CRISPLD1: variants seen among roughly 807,000 people sequenced by gnomAD.
CRISPLD1 encodes cysteine rich secretory protein LCCL domain containing 1, also known as cysteine-rich secretory protein LCCL domain-containing 1.
In CRISPLD1, 60 loss-of-function variants were observed where a neutral mutation model predicts 77.5. That is an observed-to-expected ratio of 0.77 (90% CI 0.63 to 0.96). The LOEUF is 0.96. CRISPLD1 is among the 40% of genes least tolerant of loss of function. The probability of loss-of-function intolerance (pLI) is 0.00; values close to 1 mark genes in which losing one functional copy is unlikely to be tolerated. For synonymous variants in CRISPLD1, 195 were observed against 200.1 expected (o/e 0.97, Z 0.22); for missense variants, 623 against 615.8 (o/e 1.01, Z -0.12).
chr8:75,005,127 GCTT>G (rs1812806678), intron 2 of CRISPLD1, among the ~76,000 whole-genome samples: 3 of 152,056 alleles, frequency 2.0e-5, no homozygotes. Flanking sequence ...AACAGCTTTT[GCTT>G]CTTAGGTAAT....
chr8:75,018,514 C>T (rs944585338), intron 10 of CRISPLD1, among the ~76,000 whole-genome samples: 6 of 151,954 alleles, frequency 3.9e-5, no homozygotes. Context: ...TGGTCTTGAA[C>T]TCCTGACCTC....
At chr8:75,029,240 A>C in intron 13 of CRISPLD1, 147 bp from the exon 14 acceptor site, 1 of 808,070 alleles carries the variant, frequency 1.2e-6, no homozygotes, top group Non-Finnish European at 1.9e-6. Context: ...ACACTCTTTT[A>C]TGCACAAAAC....
chr8:74,994,733 C>A lies in CRISPLD1; in HGVS notation c.258+8488C>A, dbSNP rs150296961. The stretch of plus-strand genomic sequence containing the variant: ...AACAGGAAACTGTCCAGTTTCTGCC[C>A]AGCAATCATTATTAATTGCACTATC... On this transcript the variant is annotated intron_variant, in intron 2 of 14. Transcript: ENST00000262207. 8.5e-5 allele frequency among the ~76,000 whole-genome samples: 13 copies of A among 152,248 alleles called. No individual in the cohort carries two copies. In the East Asian group the frequency reaches 2.5e-3, roughly 29 times the overall value.
chr8:75,018,583 A>G (rs1813078163), intron 10 of CRISPLD1, among the ~76,000 whole-genome samples: 2 of 152,030 alleles, frequency 1.3e-5, no homozygotes, highest in South Asian at 4.2e-4. Context: ...GAGCCACCAC[A>G]TCTGGCTTAT....
intron 2 of CRISPLD1, among the ~76,000 whole-genome samples, chr8:74,995,504 G>T (rs1812632920): frequency 6.6e-6 from 1 of 152,104 alleles, no homozygotes; most frequent in Non-Finnish European, 1.5e-5. Flanking sequence ...TTTGAGTCAG[G>T]GTCTCTGTCC....
chr8:75,027,525 CT>C (rs1813254692), intron 13 of CRISPLD1, among the ~76,000 whole-genome samples: 1 of 152,144 alleles, frequency 6.6e-6, no homozygotes, highest in South Asian at 2.1e-4. Flanking sequence ...TTTGTTGGAA[CT>C]CATATCTTGA....
At chr8:74,986,744 T>G (rs187471193) in intron 2 of CRISPLD1, among the ~76,000 whole-genome samples, 1 of 152,312 alleles carries the variant, frequency 6.6e-6, no homozygotes, top group East Asian at 1.9e-4. Context: ...TGTTGAAGAG[T>G]GCTTTGGCAA....
At chr8:74,996,736 T>TG (rs1812651409) in intron 2 of CRISPLD1, among the ~76,000 whole-genome samples, 1 of 122,950 alleles carries the variant, frequency 8.1e-6, no homozygotes, top group Non-Finnish European at 1.6e-5. Flanking sequence ...TTTTTTTTTT[T>TG]GAGATAGGAT....
chr8:75,017,944 AT>A (rs1813064372), intron 10 of CRISPLD1, among the ~76,000 whole-genome samples: 1 of 152,180 alleles, frequency 6.6e-6, no homozygotes, highest in East Asian at 1.9e-4. Flanking sequence ...ATATAAAAGC[AT>A]TTAATTTTAT....
chr8:75,029,384 C>T lies in CRISPLD1; in HGVS notation c.1321-3C>T. The T allele has an allele frequency of 1.2e-6, 2 of 1,610,302 alleles. No homozygotes were observed. Among genetic ancestry groups the T allele is most frequent in the East Asian group, 2.2e-5 (1 of 44,730 alleles). On this transcript the variant is annotated splice_region_variant and splice_polypyrimidine_tract_variant and intron_variant, in intron 13 of 14. Coordinates refer to ENST00000262207, the MANE Select transcript of CRISPLD1 (RefSeq NM_031461.6). ...ATGGCAGTTTGTTTCTTTACCTTCTCAGCTGTCCAGTATCTGCAGAGCAGC... is the reference window on the plus strand; with the variant it reads ...ATGGCAGTTTGTTTCTTTACCTTCTTAGCTGTCCAGTATCTGCAGAGCAGC...
chr8:74,985,518 C>G (rs948960336), intron 1 of CRISPLD1, among the ~76,000 whole-genome samples: 1 of 152,184 alleles, frequency 6.6e-6, no homozygotes, highest in East Asian at 1.9e-4. Context: ...CACCTTAAAA[C>G]TCTTCATAGA....
At chr8:75,016,424 A>G in intron 6 of CRISPLD1, 141 bp from the exon 7 acceptor site, 1 of 754,808 alleles carries the variant, frequency 1.3e-6, no homozygotes, top group Non-Finnish European at 2.0e-6. Flanking sequence ...TCACCACCTT[A>G]AGCCAAAACC....
intron 2 of CRISPLD1, among the ~76,000 whole-genome samples, chr8:74,989,376 G>A (rs1424310717): frequency 6.6e-6 from 1 of 152,090 alleles, no homozygotes; most frequent in Non-Finnish European, 1.5e-5. Flanking sequence ...AGTAGATTTT[G>A]GAGGAAAAAA....
intron 12 of CRISPLD1, among the ~76,000 whole-genome samples, chr8:75,024,716 A>G (rs77511979): frequency 0.014 from 2,059 of 152,264 alleles, 20 homozygotes; most frequent in Middle Eastern, 0.027. Flanking sequence ...AGAAGAGCCT[A>G]TTGCAGTAAG....
intron 12 of CRISPLD1, among the ~76,000 whole-genome samples, chr8:75,022,470 T>A (rs1813152786): frequency 6.6e-6 from 1 of 151,612 alleles, no homozygotes. Context: ...GTGCCTGTAG[T>A]CCCAGCTACT....
In CRISPLD1 at chr8:75,016,669, A is replaced by T; in HGVS notation, c.832A>T (p.Ser278Cys). The T allele has an allele frequency of 6.2e-7, 1 of 1,613,298 alleles. No individual in the cohort carries two copies. The highest frequency in any genetic ancestry group is 8.5e-7 in the Non-Finnish European group (1 of 1,179,456). The change falls in exon 7 of 15, where the codon AGT becomes TGT. Residue 278 changes from serine to cysteine, a missense_variant. Ser to Cys is a moderately radical substitution (Grantham distance 112). Coordinates refer to ENST00000262207, the MANE Select transcript of CRISPLD1 (RefSeq NM_031461.6). ...CCATGTCCGGACAAGATCAGATGAT[A>T]GTAGCAGAAATGAAGTCATAAGCGC... is the stretch of plus-strand genomic sequence containing the variant. The part of the protein sequence containing the change: ...DTHVRTRSDD[S>C]SRNEVISAQQ...
intron 14 of CRISPLD1, among the ~76,000 whole-genome samples, chr8:75,031,301 GTATT>G (rs1288009035): frequency 6.6e-6 from 1 of 151,678 alleles, no homozygotes; most frequent in Non-Finnish European, 1.5e-5. Flanking sequence ...CTCTTTCTTA[GTATT>G]TATTTTATTG....
intron 1 of CRISPLD1, among the ~76,000 whole-genome samples, chr8:74,985,354 C>G (rs576376642): frequency 1.7e-4 from 26 of 152,202 alleles, no homozygotes; most frequent in Non-Finnish European, 1.9e-4. Context: ...TGCAGTAGTT[C>G]ACGGGGCCCC....
intron 12 of CRISPLD1, among the ~76,000 whole-genome samples, chr8:75,021,424 A>G (rs1813134526): frequency 6.6e-6 from 1 of 152,224 alleles, no homozygotes; most frequent in Admixed American, 6.5e-5. Flanking sequence ...TTGGTCAGCT[A>G]ACTTGGTGCA....
Sources: gnomAD v4.1 joint callset for allele counts (sites outside exome capture counted in the v4.1 genomes callset) on GRCh38, gnomAD v4.1.1 for gene constraint, MANE v1.5 for transcripts, NCBI Gene and HGNC (gene_info 2026-07-23, HGNC 2026-07-21) for gene names.